TNR: variants seen among roughly 807,000 people sequenced by gnomAD.
TNR encodes the protein tenascin-R.
TNR carries 45 observed loss-of-function variants against 150.4 expected under a neutral mutation model. The observed-to-expected ratio is 0.30, with a 90% CI of 0.24 to 0.38. TNR has a LOEUF of 0.38. Among genes scored for constraint, TNR ranks in the 10% least tolerant of loss-of-function variants. The pLI, the probability that TNR is intolerant of heterozygous loss-of-function variation, is 1.00. For synonymous variants in TNR, 687 were observed against 678.4 expected, an observed-to-expected ratio of 1.01 and a Z score of -0.20; for missense variants, 1,544 against 1,759.1, an observed-to-expected ratio of 0.88 and a Z score of 2.19.
intron 1 of TNR, among the ~76,000 whole-genome samples, chr1:175,693,760 G>T (rs1256429998): frequency 2.0e-5 from 3 of 152,202 alleles, no homozygotes; most frequent in Non-Finnish European, 4.4e-5. Flanking sequence ...CTCATTTCCA[G>T]CAATGTGTAT....
intron 1 of TNR, among the ~76,000 whole-genome samples, chr1:175,639,593 G>A (rs1283838148): frequency 2.0e-5 from 3 of 152,116 alleles, no homozygotes; most frequent in Non-Finnish European, 4.4e-5. Flanking sequence ...CACCTTGCCC[G>A]GCAGCCACTC....
chr1:175,528,436 TTTCTA>T (rs1659934791), intron 1 of TNR, 67 bp from the exon 2 acceptor site: 2 of 152,230 alleles, frequency 1.3e-5, no homozygotes, highest in Admixed American at 1.3e-4. Flanking sequence ...CTGGTTTCCC[TTTCTA>T]TTCTAAGTAC....
At chr1:175,588,059 A>C (rs1032906528) in intron 1 of TNR, among the ~76,000 whole-genome samples, 1 of 152,198 alleles carries the variant, frequency 6.6e-6, no homozygotes, top group African/African-American at 2.4e-5. Context: ...GAGGGATTGG[A>C]TTTGTCTTGC....
chr1:175,547,670 GAA>G (rs1226934262), intron 1 of TNR, among the ~76,000 whole-genome samples: 4 of 150,766 alleles, frequency 2.7e-5, no homozygotes, highest in Admixed American at 6.6e-5. Context: ...AAGAAAGAAA[GAA>G]AGAGAGAGAG....
chr1:175,624,182 C>T lies in TNR; in HGVS notation c.-164-95813G>A, dbSNP rs192103866. Among the ~76,000 whole-genome samples, 719 of 152,260 alleles carry T rather than the reference C, an allele frequency of 4.7e-3. 3 individuals carry two copies. The highest frequency in any genetic ancestry group is 7.1e-3 in the Non-Finnish European group (481 of 68,018). ...TCTCCTAGCTTACATGGTGGTACCT[C>T]TTAATGTATCTTTTGGTACACCCAG... On this transcript the variant is annotated intron_variant, in intron 1 of 22. Coordinates refer to ENST00000367674, the MANE Select transcript of TNR (RefSeq NM_003285.3).
intron 2 of TNR, among the ~76,000 whole-genome samples, chr1:175,461,113 G>T (rs772849219): frequency 6.6e-6 from 1 of 152,140 alleles, no homozygotes; most frequent in Non-Finnish European, 1.5e-5. Flanking sequence ...CTCAAGAATC[G>T]CTCCCTTCCT....
chr1:175,536,186 A>C (rs934814669), intron 1 of TNR, among the ~76,000 whole-genome samples: 2 of 152,266 alleles, frequency 1.3e-5, no homozygotes, highest in Middle Eastern at 3.4e-3. Context: ...TTGTAATCTT[A>C]TATATTTTAT....
chr1:175,574,544 C>T (rs779671576), intron 1 of TNR, among the ~76,000 whole-genome samples: 9 of 152,126 alleles, frequency 5.9e-5, no homozygotes, highest in Middle Eastern at 3.2e-3. Flanking sequence ...TAAGATATGG[C>T]GCTATCTTCT....
intron 8 of TNR, 51 bp downstream of exon 8, chr1:175,385,981 G>C (rs1652895981): frequency 1.4e-5 from 21 of 1,517,834 alleles, no homozygotes; most frequent in Non-Finnish European, 1.8e-5. Context: ...CCACCGGTTG[G>C]CTCCACCCCT....
At chr1:175,592,068 T>G (rs1289287972) in intron 1 of TNR, among the ~76,000 whole-genome samples, 1 of 152,204 alleles carries the variant, frequency 6.6e-6, no homozygotes, top group African/African-American at 2.4e-5. Context: ...TGCAGCATCA[T>G]GTAGTGATCC....
chr1:175,470,331 G>A (rs1657233731), intron 2 of TNR, among the ~76,000 whole-genome samples: 1 of 152,102 alleles, frequency 6.6e-6, no homozygotes, highest in Non-Finnish European at 1.5e-5. Flanking sequence ...AGCATGCAAA[G>A]GGCCGCAGGG....
intron 1 of TNR, among the ~76,000 whole-genome samples, chr1:175,674,322 A>C (rs986167649): frequency 1.3e-5 from 2 of 152,200 alleles, no homozygotes; most frequent in African/African-American, 4.8e-5. Context: ...TTCTGTTTAA[A>C]ATGGAACAGA....
In TNR at chr1:175,321,173, T is replaced by A. The variant is rs1437601211; in HGVS notation, c.*2184A>T. 4.6e-5 allele frequency: 7 copies of A among 152,256 alleles called. No homozygotes were observed. Among genetic ancestry groups the A allele is most frequent in the Non-Finnish European group, 1.0e-4 (7 of 68,068 alleles). 9.4% of individuals were successfully genotyped at this position (152,256 alleles called of 1,614,324 possible). A position where few individuals can be genotyped will look rare whatever the true frequency, so the allele number is the denominator to read the frequency against. On this transcript the variant is annotated 3_prime_UTR_variant, in exon 23 of 23. Transcript: ENST00000367674. ...GTTGAAAGGATCTGTTTCTGTTTTT[T>A]CCTCCTCCCAGTTTGTTGAAGCCCA...
At chr1:175,394,231 A>G (rs9425441) in intron 5 of TNR, among the ~76,000 whole-genome samples, 6,415 of 151,772 alleles carry the variant, frequency 0.042, 166 homozygotes, top group Middle Eastern at 0.11. Flanking sequence ...CATATCATAT[A>G]TAGTACAGTG....
In TNR at chr1:175,498,652, T is replaced by C. The variant is rs139266265; in HGVS notation, c.-64+29617A>G. On this transcript the variant is annotated intron_variant, in intron 2 of 22. Transcript: ENST00000367674. ...GCATAGGCAGAAAAGGTCCATGCCC[T>C]AGTTTGAAGTTAAGCAGAGAAGGAA... Among the ~76,000 whole-genome samples, 931 of 152,294 alleles carry C rather than the reference T, an allele frequency of 6.1e-3. 8 individuals are homozygous for C. The highest frequency in any genetic ancestry group is 0.037 in the Middle Eastern group (11 of 294).
chr1:175,425,448 C>G (rs1654928603), intron 2 of TNR, among the ~76,000 whole-genome samples: 1 of 152,112 alleles, frequency 6.6e-6, no homozygotes, highest in Non-Finnish European at 1.5e-5. Context: ...AAGTATTAGT[C>G]TGACTGATAG....
chr1:175,597,322 C>T (rs781149565), intron 1 of TNR, among the ~76,000 whole-genome samples: 8 of 152,152 alleles, frequency 5.3e-5, no homozygotes, highest in African/African-American at 1.7e-4. Context: ...CAGAACCTCA[C>T]GTGAGGAACA....
chr1:175,440,105 G>T (rs1655713536), intron 2 of TNR, among the ~76,000 whole-genome samples: 1 of 152,140 alleles, frequency 6.6e-6, no homozygotes, highest in South Asian at 2.1e-4. Context: ...ATTCACAATA[G>T]CAAAGACTTG....
intron 1 of TNR, among the ~76,000 whole-genome samples, chr1:175,693,181 C>T (rs1303352432): frequency 6.6e-6 from 1 of 152,230 alleles, no homozygotes; most frequent in Admixed American, 6.5e-5. Context: ...ACTGCATCAT[C>T]ACACACAATC....
Sources: allele counts gnomAD v4.1 joint callset (sites outside exome capture counted in the v4.1 genomes callset), GRCh38; gene constraint gnomAD v4.1.1; transcripts MANE v1.5; gene names NCBI Gene and HGNC (gene_info 2026-07-23, HGNC 2026-07-21).